WDR70: variants seen among roughly 807,000 people sequenced by gnomAD.
WDR70 encodes WD repeat domain 70, also known as WD repeat-containing protein 70.
In WDR70, 53 loss-of-function variants were observed where a neutral mutation model predicts 88.6. That is an observed-to-expected ratio of 0.60 (90% CI 0.48 to 0.75). WDR70 has a LOEUF of 0.75. WDR70 is among the 30% of genes least tolerant of loss of function. The probability of loss-of-function intolerance (pLI) is 0.00; values close to 1 mark genes in which losing one functional copy is unlikely to be tolerated. For missense variants in WDR70, 610 were observed against 823.2 expected (o/e 0.74, Z 3.17); for synonymous variants, 280 against 270.0 (o/e 1.04, Z -0.36).
intron 9 of WDR70, among the ~76,000 whole-genome samples, chr5:37,577,651 T>C (rs897542976): frequency 9.2e-5 from 14 of 152,050 alleles, no homozygotes; most frequent in Non-Finnish European, 1.8e-4. Context: ...ATGTGCATTG[T>C]AGGGATGGAG....
At chr5:37,524,458 C>G (rs1741195001) in intron 9 of WDR70, among the ~76,000 whole-genome samples, 1 of 152,130 alleles carries the variant, frequency 6.6e-6, no homozygotes, top group Non-Finnish European at 1.5e-5. Flanking sequence ...CCAGGCCTGC[C>G]CTACAAGAGC....
intron 10 of WDR70, among the ~76,000 whole-genome samples, chr5:37,655,140 G>T (rs1049507279): frequency 9.9e-5 from 15 of 152,148 alleles, no homozygotes; most frequent in African/African-American, 3.1e-4. Context: ...AGGCAGGCTG[G>T]TGGTGACAGA....
chr5:37,479,693 T>G, intron 7 of WDR70, 141 bp from the exon 8 acceptor site: 5 of 983,496 alleles, frequency 5.1e-6, no homozygotes, highest in Non-Finnish European at 7.5e-6. Context: ...TTAGAACCCA[T>G]TTGAGGTTGA....
At chr5:37,429,775 T>C (rs1750247517) in intron 5 of WDR70, among the ~76,000 whole-genome samples, 1 of 152,228 alleles carries the variant, frequency 6.6e-6, no homozygotes, top group Admixed American at 6.5e-5. Flanking sequence ...CATGAAATCA[T>C]GTAGTGTACA....
chr5:37,587,237 CA>C (rs1414138478), intron 9 of WDR70, among the ~76,000 whole-genome samples: 13 of 152,096 alleles, frequency 8.5e-5, no homozygotes, highest in Admixed American at 8.5e-4. Flanking sequence ...AATCTCAACA[CA>C]TCTCACAGGA....
chr5:37,598,613 G>A (rs1042762861), intron 9 of WDR70, among the ~76,000 whole-genome samples: 2 of 152,174 alleles, frequency 1.3e-5, no homozygotes, highest in Non-Finnish European at 2.9e-5. Flanking sequence ...TCACCTAGAA[G>A]TACAAATTTA....
At chr5:37,699,402 T>TACACACAC (rs70978839) in intron 11 of WDR70, among the ~76,000 whole-genome samples, 4,091 of 70,700 alleles carry the variant, frequency 0.058, 86 homozygotes, top group Middle Eastern at 0.18. Flanking sequence ...TATATATATA[T>TACACACAC]ACACACACAC....
At chr5:37,646,597 T>C (rs1222314380) in intron 10 of WDR70, among the ~76,000 whole-genome samples, 1 of 152,168 alleles carries the variant, frequency 6.6e-6, no homozygotes, top group African/African-American at 2.4e-5. Flanking sequence ...AATTTCTTTA[T>C]TTTTCTTTCA....
chr5:37,626,056 A>G (rs185893726), intron 10 of WDR70, among the ~76,000 whole-genome samples: 6 of 149,964 alleles, frequency 4.0e-5, no homozygotes. Flanking sequence ...ATATAAGATC[A>G]TGTCATCTGC....
chr5:37,741,344 A>C (rs1748472127), intron 17 of WDR70, among the ~76,000 whole-genome samples: 1 of 151,880 alleles, frequency 6.6e-6, no homozygotes, highest in Admixed American at 6.6e-5. Context: ...CATTAGTGTT[A>C]AGTACATTCA....
chr5:37,503,995 C>T (rs1403044775), intron 8 of WDR70, among the ~76,000 whole-genome samples: 1 of 152,070 alleles, frequency 6.6e-6, no homozygotes, highest in African/African-American at 2.4e-5. Flanking sequence ...CAGTGTTGTA[C>T]ATGAGAGCTT....
Position 37,508,595 on chromosome 5 carries a change from A to G in WDR70, c.841-7919A>G, listed in dbSNP as rs1224430337. Among the ~76,000 whole-genome samples, 4 of 152,324 alleles carry G rather than the reference A, an allele frequency of 2.6e-5. No homozygotes were observed. The East Asian group carries it at 7.7e-4, about 29-fold the overall frequency. ...TTATCTTATTATGTTAATGTGGTTA[A>G]TTACATTGATTTTTGATTGTTAAAC... On this transcript the variant is annotated intron_variant, in intron 8 of 17. Transcript: ENST00000265107.
intron 9 of WDR70, among the ~76,000 whole-genome samples, chr5:37,573,239 A>G (rs1402554651): frequency 1.3e-5 from 2 of 152,144 alleles, no homozygotes; most frequent in East Asian, 1.9e-4. Context: ...TTACTCCTAC[A>G]GTTCTCCCTG....
At chr5:37,471,117 A>T (rs1168146318) in intron 7 of WDR70, among the ~76,000 whole-genome samples, 3 of 152,124 alleles carry the variant, frequency 2.0e-5, no homozygotes, top group Non-Finnish European at 4.4e-5. Context: ...CGTGAACTCA[A>T]GTGATTCACC....
At chr5:37,678,779 G>T (rs1746317856) in intron 10 of WDR70, among the ~76,000 whole-genome samples, 1 of 152,194 alleles carries the variant, frequency 6.6e-6, no homozygotes, top group Non-Finnish European at 1.5e-5. Context: ...ATGTTAGCCT[G>T]CCTTGCTAGA....
intron 9 of WDR70, among the ~76,000 whole-genome samples, chr5:37,569,415 C>T (rs551846890): frequency 6.6e-6 from 1 of 152,046 alleles, no homozygotes; most frequent in African/African-American, 2.4e-5. Context: ...TGTTTGCTAC[C>T]CTCAAGTGTT....
intron 10 of WDR70, among the ~76,000 whole-genome samples, chr5:37,646,608 T>C (rs981800236): frequency 6.6e-6 from 1 of 152,186 alleles, no homozygotes; most frequent in Admixed American, 6.5e-5. Context: ...TTTTCTTTCA[T>C]GTTTGAAGGA....
At chr5:37,491,934 C>T (rs925929389) in intron 8 of WDR70, among the ~76,000 whole-genome samples, 3 of 152,144 alleles carry the variant, frequency 2.0e-5, no homozygotes, top group Non-Finnish European at 4.4e-5. Flanking sequence ...ACATTGGTTT[C>T]TGCGCTTTTG....
chr5:37,607,060 T>G (rs1432382866), intron 10 of WDR70, among the ~76,000 whole-genome samples: 1 of 151,140 alleles, frequency 6.6e-6, no homozygotes, highest in African/African-American at 2.4e-5. Flanking sequence ...TGCCTCAGCC[T>G]CCTGAGTGGT....
Sources: allele counts gnomAD v4.1 joint callset (sites outside exome capture counted in the v4.1 genomes callset), GRCh38; gene constraint gnomAD v4.1.1; transcripts MANE v1.5; gene names NCBI Gene and HGNC (gene_info 2026-07-23, HGNC 2026-07-21).